The following GAB2 variants were observed in gnomAD, a reference collection of about 807,000 sequenced individuals.
GAB2 encodes the protein GRB2 associated binding protein 2.
A neutral mutation model predicts 65.5 loss-of-function variants in GAB2; 26 were observed. The ratio of observed to expected loss-of-function variants is 0.40; its 90% confidence interval spans 0.29 to 0.55. The LOEUF is 0.55. Among genes scored for constraint, GAB2 ranks in the 20% least tolerant of loss-of-function variants. The pLI is 0.53. For missense variants in GAB2, 884 were observed against 875.8 expected (o/e 1.01, Z -0.12); for synonymous variants, 321 against 329.6 (o/e 0.97, Z 0.28).
Position 78,239,231 on chromosome 11 carries a change from A to T in GAB2, c.620+10926T>A, listed in dbSNP as rs975985173. The stretch of plus-strand genomic sequence containing the variant: ...ATTTTAATTTAATTTAATTTTATGT[A>T]TTTTTTTGAGATAGAGTCTTGCTCT... On this transcript the variant is annotated intron_variant, in intron 3 of 9. Coordinates refer to ENST00000361507, the MANE Select transcript of GAB2 (RefSeq NM_080491.3). Among the ~76,000 whole-genome samples the T allele has an allele frequency of 1.5e-4, 23 of 152,064 alleles. No individual in the cohort carries two copies. In the East Asian group the frequency reaches 4.2e-3, roughly 28 times the overall value.
At chr11:78,331,192 AAAAT>A (rs1855907708) in intron 1 of GAB2, among the ~76,000 whole-genome samples, 2 of 152,060 alleles carry the variant, frequency 1.3e-5, no homozygotes, top group Non-Finnish European at 2.9e-5. Context: ...AAATAAAAAT[AAAAT>A]AAATAAATAG....
At chr11:78,370,240 G>A (rs1425633983) in intron 1 of GAB2, among the ~76,000 whole-genome samples, 1 of 122,824 alleles carries the variant, frequency 8.1e-6, no homozygotes, top group Non-Finnish European at 1.6e-5. Flanking sequence ...CTGGGCGACA[G>A]AGCGAGACTC....
chr11:78,329,791 A>G (rs1855885095), intron 1 of GAB2, among the ~76,000 whole-genome samples: 2 of 152,222 alleles, frequency 1.3e-5, no homozygotes, highest in African/African-American at 4.8e-5. Context: ...GCTACCTGAA[A>G]TACTTTCTAG....
At position 78,215,471 on chromosome 11, in the gene GAB2, A is replaced by AATAAATTAATAACTTAAGTGATT. The variant is rs1199378846; in HGVS notation, c.*3778_*3800dup. On this transcript the variant is annotated 3_prime_UTR_variant, in exon 10 of 10. Coordinates refer to ENST00000361507, the MANE Select transcript of GAB2 (RefSeq NM_080491.3). ...CAATTTAAAAAAAAGAATACAACAG[A>AATAAATTAATAACTTAAGTGATT]ATAAATTAATAACTTAAGTGATTAG... is the stretch of plus-strand genomic sequence containing the variant. The AATAAATTAATAACTTAAGTGATT allele has an allele frequency of 6.6e-6, 1 of 152,662 alleles. No individual in the cohort carries two copies. Among genetic ancestry groups the AATAAATTAATAACTTAAGTGATT allele is most frequent in the East Asian group, 1.9e-4 (1 of 5,206 alleles). 9.5% of individuals were successfully genotyped at this position (152,662 alleles called of 1,614,324 possible). A position where few individuals can be genotyped will look rare whatever the true frequency, so the allele number is the denominator to read the frequency against.
At chr11:78,385,379 ACT>A (rs761134726) in intron 1 of GAB2, among the ~76,000 whole-genome samples, 2 of 152,204 alleles carry the variant, frequency 1.3e-5, no homozygotes, top group Non-Finnish European at 2.9e-5. Context: ...CTGAAGAGAA[ACT>A]CTATAAATGT....
At chr11:78,274,002 G>GT (rs57942137) in intron 2 of GAB2, among the ~76,000 whole-genome samples, 179 of 148,002 alleles carry the variant, frequency 1.2e-3, no homozygotes, top group Middle Eastern at 3.5e-3. Context: ...TATTAAACCT[G>GT]TTTTTTTTTT....
chr11:78,260,314 T>C (rs1049310705), intron 2 of GAB2, among the ~76,000 whole-genome samples: 1 of 152,198 alleles, frequency 6.6e-6, no homozygotes, highest in Non-Finnish European at 1.5e-5. Context: ...AAATTGATTC[T>C]GTGAAAGGCA....
At chr11:78,386,848 T>G (rs570586355) in intron 1 of GAB2, among the ~76,000 whole-genome samples, 27 of 152,202 alleles carry the variant, frequency 1.8e-4, no homozygotes, top group Non-Finnish European at 3.4e-4. Flanking sequence ...CTGGCCAAAG[T>G]GACTATCTCT....
intron 1 of GAB2, among the ~76,000 whole-genome samples, chr11:78,285,469 C>T (rs1024991284): frequency 1.3e-5 from 2 of 152,170 alleles, no homozygotes; most frequent in African/African-American, 4.8e-5. Flanking sequence ...CTTCTCTCCA[C>T]TTCCAGGTTT....
In GAB2 at chr11:78,280,621, T is replaced by C. The variant is rs115188681; in HGVS notation, c.356A>G (p.Asn119Ser). ...VQSICQICGF[N>S]QAEESTDSLR... ...CATACCTGTGCTCTCCTCAGCCTGA[T>C]TGAAGCCACAGATCTGGCAGATGCT... The change falls in exon 2 of 10, where the codon AAT becomes AGT. Residue 119 changes from asparagine (N) to serine (S), a missense_variant. By Grantham distance (46) the Asn-to-Ser change is conservative. Coordinates refer to ENST00000361507, the MANE Select transcript of GAB2 (RefSeq NM_080491.3). The C allele has an allele frequency of 1.1e-4, 180 of 1,614,038 alleles. No homozygotes were observed. In the African/African-American group the frequency reaches 1.4e-3, roughly 13 times the overall value.
At chr11:78,412,893 A>AAGTCATGGCAG (rs1339776779) in intron 1 of GAB2, among the ~76,000 whole-genome samples, 1 of 152,186 alleles carries the variant, frequency 6.6e-6, no homozygotes, top group African/African-American at 2.4e-5. Flanking sequence ...ATAATCCTAA[A>AAGTCATGGCAG]AGTCATGGCA....
intron 1 of GAB2, among the ~76,000 whole-genome samples, chr11:78,284,758 T>G (rs1403067136): frequency 1.3e-5 from 2 of 152,166 alleles, no homozygotes; most frequent in Non-Finnish European, 2.9e-5. Context: ...ATATCAATTT[T>G]TATGACTTTT....
intron 3 of GAB2, among the ~76,000 whole-genome samples, chr11:78,231,336 GGTGTGTGTGTGTGT>G (rs58651538): frequency 2.6e-4 from 38 of 145,898 alleles, no homozygotes; most frequent in African/African-American, 7.8e-4. Flanking sequence ...GCGCGTGTGT[GGTGTGTGTGTGTGT>G]GTGTGTGTGT....
Sources: allele counts gnomAD v4.1 joint callset (sites outside exome capture counted in the v4.1 genomes callset), GRCh38; gene constraint gnomAD v4.1.1; transcripts MANE v1.5; gene names NCBI Gene and HGNC (gene_info 2026-07-23, HGNC 2026-07-21).